The following COL7A1 variants were observed in gnomAD, a reference collection of about 807,000 sequenced individuals.
COL7A1 encodes collagen alpha-1(VII) chain.
COL7A1 carries 296 observed loss-of-function variants against 456.2 expected under a neutral mutation model. That is an observed-to-expected ratio of 0.65 (90% CI 0.59 to 0.71). The LOEUF is 0.71. Among genes scored for constraint, COL7A1 ranks in the 30% least tolerant of loss-of-function variants. The pLI is 0.00. For synonymous variants in COL7A1, 1,464 were observed against 1,525.9 expected (o/e 0.96, Z 0.95); for missense variants, 3,441 against 4,017.2 (o/e 0.86, Z 3.88).
intron 33 of COL7A1, 30 bp from the exon 34 acceptor site, chr3:48,584,975 C>A: frequency 6.2e-7 from 1 of 1,613,664 alleles, no homozygotes; most frequent in Non-Finnish European, 8.5e-7. Flanking sequence ...GCAGAACAGT[C>A]GGAGCCACCC....
At position 48,565,552 on chromosome 3, in the gene COL7A1, A is replaced by G; in HGVS notation, c.8441-56T>C. ...TGAAGTCACCATGGGCAGCCATCCC[A>G]GCCAACCCCCCTGAGAGGACCCCAG... On this transcript the variant is annotated intron_variant, in intron 115 of 118. Coordinates refer to ENST00000681320, the MANE Select transcript of COL7A1 (RefSeq NM_000094.4). This position sits in a 1 kb window ranked among gnomAD's most constrained non-coding sequence, Gnocchi z 4.5. 2 of 1,613,792 alleles carry G rather than the reference A, an allele frequency of 1.2e-6. No homozygotes were observed. The highest frequency in any genetic ancestry group is 3.3e-5 in the Admixed American group (2 of 60,014).
rs2532848 is a variant in COL7A1, at chr3:48,568,632, G to T, written c.7759-98C>A. 0.15 allele frequency: 229,833 copies of T among 1,500,762 alleles called. 19,968 individuals carry two copies. The highest frequency in any genetic ancestry group is 0.18 in the Non-Finnish European group (196,817 of 1,102,812). 93.0% of individuals were successfully genotyped at this position (1,500,762 alleles called of 1,614,324 possible). On this transcript the variant is annotated intron_variant, in intron 104 of 118. Coordinates refer to ENST00000681320, the MANE Select transcript of COL7A1 (RefSeq NM_000094.4). This position sits in a 1 kb window ranked among gnomAD's most constrained non-coding sequence, Gnocchi z 5.2. ...GCCACTCAGATGCTCAGCGGCCAGG[G>T]CCCAGGCCACACACAGATCCCGGGT...
chr3:48,585,981 G>A lies in COL7A1; in HGVS notation c.3724-6C>T, dbSNP rs370390884. 51 of 1,613,758 alleles carry A rather than the reference G, an allele frequency of 3.2e-5. No individual in the cohort carries two copies. In the African/African-American group the frequency reaches 5.7e-4, roughly 18 times the overall value. ...GGGCAGGGCTCTGGCCGGGGCTGCG[G>A]ACATAGGGTCTCTTTGAGGTTGAAC... On this transcript the variant is annotated splice_region_variant and splice_polypyrimidine_tract_variant and intron_variant, in intron 28 of 118. Coordinates refer to ENST00000681320, the MANE Select transcript of COL7A1 (RefSeq NM_000094.4). The surrounding 1 kb of genome is among the most constrained non-coding windows in gnomAD (Gnocchi z 4.5).
In COL7A1 at chr3:48,592,422, T is replaced by G. The variant is rs750746847; in HGVS notation, c.1022A>C (p.His341Pro). 1 of 1,613,610 alleles carries G rather than the reference T, an allele frequency of 6.2e-7. No individual in the cohort carries two copies. The highest frequency in any genetic ancestry group is 1.1e-5 in the South Asian group (1 of 91,060). Reference sequence around the variant, plus strand: ...ACTCCGCCAGGCCACCAGGAGGCTGTGGGCTGTGGTATTCTGGATGGTCAG... The same window carrying G: ...ACTCCGCCAGGCCACCAGGAGGCTGGGGGCTGTGGTATTCTGGATGGTCAG... ...PELTIQNTTA[H>P]SLLVAWRSVP... Residue 341 changes from histidine to proline, a missense_variant, in exon 9 of 119, where the codon CAC becomes CCC. Physicochemically the swap from His to Pro is moderately conservative, Grantham distance 77. Coordinates refer to ENST00000681320, the MANE Select transcript of COL7A1 (RefSeq NM_000094.4). The surrounding 1 kb of genome is among the most constrained non-coding windows in gnomAD (Gnocchi z 7.6).
In COL7A1 at chr3:48,570,094, C is replaced by T; in HGVS notation, c.7485+40G>A. ...GGGTACAAAGGGCACAGGCAGGGGA[C>T]TGAAGTCACAGCACTGTCACTTTCC... On this transcript the variant is annotated intron_variant, in intron 99 of 118. Coordinates refer to ENST00000681320, the MANE Select transcript of COL7A1 (RefSeq NM_000094.4). The surrounding 1 kb of genome is among the most constrained non-coding windows in gnomAD (Gnocchi z 5.5). The T allele has an allele frequency of 6.2e-7, 1 of 1,612,900 alleles. No homozygotes were observed. The highest frequency in any genetic ancestry group is 8.5e-7 in the Non-Finnish European group (1 of 1,179,008).
Position 48,569,949 on chromosome 3 carries a change from A to C in COL7A1, c.7486-34T>G. ...GAGAAGGTGACCGTGAGCTACAGGA[A>C]CCAGGGCAGTGGAGGACGGAGGAGG... On this transcript the variant is annotated intron_variant, in intron 99 of 118. Coordinates refer to ENST00000681320, the MANE Select transcript of COL7A1 (RefSeq NM_000094.4). This position sits in a 1 kb window ranked among gnomAD's most constrained non-coding sequence, Gnocchi z 4.9. The C allele has an allele frequency of 1.2e-6, 2 of 1,613,690 alleles. No homozygotes were observed. The highest frequency in any genetic ancestry group is 1.7e-6 in the Non-Finnish European group (2 of 1,179,794).
In COL7A1 at chr3:48,588,674, T is replaced by A. The variant is rs1420519653; in HGVS notation, c.2555A>T (p.Glu852Val). The A allele has an allele frequency of 1.9e-6, 3 of 1,613,726 alleles. No homozygotes were observed. In the African/African-American group the frequency reaches 4.0e-5, roughly 22 times the overall value. ...VRVTALVGDR[E>V]GTPVSIVVTT... ...GACAACAATGGAGACAGGTGTGCCC[T>A]CGCGGTCCCCGACAAGTGCAGTCAC... The change falls in exon 20 of 119, where the codon GAG (glutamate) becomes GTG (valine). Residue 852 changes from glutamate (E) to valine (V), a missense_variant. By Grantham distance (121) the Glu-to-Val change is moderately radical. Coordinates refer to ENST00000681320, the MANE Select transcript of COL7A1 (RefSeq NM_000094.4). The surrounding 1 kb of genome is among the most constrained non-coding windows in gnomAD (Gnocchi z 4.6).
rs780454893 is a variant in COL7A1 at position 48,571,203 on chromosome 3, C to T, written c.7104+40G>A. 1.3e-5 allele frequency: 21 copies of T among 1,613,976 alleles called. No homozygotes were observed. The highest frequency in any genetic ancestry group is 6.6e-5 in the South Asian group (6 of 91,090). ...ATCGGATCAAGCTCAGGGAGTCTCA[C>T]GACCAGGACCCCAGCAGGGACCCTT... On this transcript the variant is annotated intron_variant, in intron 93 of 118. Coordinates refer to ENST00000681320, the MANE Select transcript of COL7A1 (RefSeq NM_000094.4). The surrounding 1 kb of genome is among the most constrained non-coding windows in gnomAD (Gnocchi z 4.6).
rs143391124 is a variant in COL7A1, at chr3:48,590,504, C to T, written c.1861G>A (p.Val621Ile). Residue 621 changes from valine (V) to isoleucine (I), a missense_variant, in exon 15 of 119, where the codon GTC becomes ATC. Physicochemically the swap from Val to Ile is conservative, Grantham distance 29. Transcript: ENST00000681320. This position sits in a 1 kb window ranked among gnomAD's most constrained non-coding sequence, Gnocchi z 4.6. ...ATCCGAAATCCACTGGCTCCAGGGA[C>T]GGGTCCCCAGGCCACCCTCACTCGC... The part of the protein sequence containing the change: ...ATRVRVAWGP[V>I]PGASGFRISW... 3.8e-5 allele frequency: 61 copies of T among 1,614,176 alleles called. No individual in the cohort carries two copies. Among genetic ancestry groups the T allele is most frequent in the Middle Eastern group, 1.6e-4 (1 of 6,062 alleles).
chr3:48,567,376 C>T lies in COL7A1; in HGVS notation c.8047-186G>A. ...TAGCCCCCTGCCCTGATGCACATGC[C>T]CCCTCCACCTCCCATGCTTTCATCC... On this transcript the variant is annotated intron_variant, in intron 109 of 118. Coordinates refer to ENST00000681320, the MANE Select transcript of COL7A1 (RefSeq NM_000094.4). The surrounding 1 kb of genome is among the most constrained non-coding windows in gnomAD (Gnocchi z 4.3). 1 of 923,688 alleles carries T rather than the reference C, an allele frequency of 1.1e-6. No homozygotes were observed. The highest frequency in any genetic ancestry group is 1.7e-6 in the Non-Finnish European group (1 of 588,586). 57.2% of individuals were successfully genotyped at this position (923,688 alleles called of 1,614,324 possible).
rs1487476449 is a variant in COL7A1 at position 48,582,355 on chromosome 3, C to A, written c.4603G>T (p.Glu1535Ter). The A allele has an allele frequency of 1.9e-6, 3 of 1,614,022 alleles. No individual in the cohort carries two copies. The highest frequency in any genetic ancestry group is 2.5e-6 in the Non-Finnish European group (3 of 1,179,984). The part of the protein sequence containing the change: ...GPTGRQGEKG[E>*]PGRPGDPAVV... ...GCAGGGTCCCCAGGGCGACCAGGCT[C>A]CCCCTGTGGAGAGAGGATAGGAGCA... The change falls in exon 47 of 119, where the codon GAG becomes TAG. Residue 1535 changes from glutamate (E) to a stop codon, truncating the protein, a stop_gained. Transcript: ENST00000681320. LOFTEE classifies it high-confidence loss of function.
chr3:48,564,570 G>A lies in COL7A1; in HGVS notation c.8819-148C>T. ...AGGGGTCCATACTTAGGTCTTTAAA[G>A]GAGGGAACATGGAAGGGGACCCTAC... On this transcript the variant is annotated intron_variant, in intron 118 of 118. Transcript: ENST00000681320. This position sits in a 1 kb window ranked among gnomAD's most constrained non-coding sequence, Gnocchi z 6.0. 9.1e-7 allele frequency: 1 copy of A among 1,101,826 alleles called. No homozygotes were observed. The highest frequency in any genetic ancestry group is 1.3e-5 in the South Asian group (1 of 74,818). 68.3% of individuals were successfully genotyped at this position (1,101,826 alleles called of 1,614,324 possible). A position where few individuals can be genotyped will look rare whatever the true frequency, so the allele number is the denominator to read the frequency against.
Position 48,578,821 on chromosome 3 carries a change from AC to A in COL7A1, c.5424+97del. ...CCCTCCCAAAGGCAAGGCTGAACCG[AC>A]CCCCCACCAACTCTCTCGGATGCTG... On this transcript the variant is annotated intron_variant, in intron 63 of 118. Coordinates refer to ENST00000681320, the MANE Select transcript of COL7A1 (RefSeq NM_000094.4). The surrounding 1 kb of genome is among the most constrained non-coding windows in gnomAD (Gnocchi z 4.7). The A allele has an allele frequency of 1.5e-6, 2 of 1,314,834 alleles. No individual in the cohort carries two copies. The highest frequency in any genetic ancestry group is 2.1e-6 in the Non-Finnish European group (2 of 963,100). The allele number at this position is 1,314,834 out of a possible 1,614,324, so 81.4% of individuals were successfully genotyped here.
rs2045850181 is a variant in COL7A1, at chr3:48,593,387, C to T, written c.489G>A (p.Leu163=). 4.3e-6 allele frequency: 7 copies of T among 1,614,162 alleles called. No individual in the cohort carries two copies. The East Asian group carries it at 1.3e-4, about 31-fold the overall frequency. ...QDLVDTAAQR[L]KGQGVKLFAV... is the part of the protein sequence containing the mutation. ...CAAATAGCTTGACCCCCTGCCCCTT[C>T]AGCCTTTGGGCAGCTGTGTCCACCA... The change falls in exon 5 of 119, where the codon CTG becomes CTA. Residue 163 remains leucine (L), a synonymous_variant. Coordinates refer to ENST00000681320, the MANE Select transcript of COL7A1 (RefSeq NM_000094.4). This position sits in a 1 kb window ranked among gnomAD's most constrained non-coding sequence, Gnocchi z 4.4.
At chr3:48,577,659 G>A (rs1259929715) in intron 65 of COL7A1, among the ~76,000 whole-genome samples, 3 of 152,238 alleles carry the variant, frequency 2.0e-5, no homozygotes, top group African/African-American at 7.2e-5. Context: ...CTTAGCACAT[G>A]AGTCTGGGTG....
At position 48,573,615 on chromosome 3, in the gene COL7A1, T is replaced by C. The variant is rs2044082451; in HGVS notation, c.6574-58A>G. ...CTCAGGGATTAACACAGAGAAGGCC[T>C]GGCTCATCAGCTGTGGCCAATGCCT... is the stretch of plus-strand genomic sequence containing the variant. On this transcript the variant is annotated intron_variant, in intron 82 of 118. Coordinates refer to ENST00000681320, the MANE Select transcript of COL7A1 (RefSeq NM_000094.4). This position sits in a 1 kb window ranked among gnomAD's most constrained non-coding sequence, Gnocchi z 5.5. 2 of 1,613,462 alleles carry C rather than the reference T, an allele frequency of 1.2e-6. No individual in the cohort carries two copies. Among genetic ancestry groups the C allele is most frequent in the Non-Finnish European group, 1.7e-6 (2 of 1,179,704 alleles).
In COL7A1 at chr3:48,567,695, C is replaced by G. The variant is rs774359076; in HGVS notation, c.7983+15G>C. 4 of 1,614,102 alleles carry G rather than the reference C, an allele frequency of 2.5e-6. No homozygotes were observed. The South Asian group carries it at 4.4e-5, about 18-fold the overall frequency. ...CCACCCGTGGCCCCCTCATTCTGAG[C>G]GTGCCCACACTCACCATCTCTCCTT... On this transcript the variant is annotated intron_variant, in intron 108 of 118. Transcript: ENST00000681320. The surrounding 1 kb of genome is among the most constrained non-coding windows in gnomAD (Gnocchi z 4.3).
chr3:48,570,419 G>T lies in COL7A1; in HGVS notation c.7380+46C>A. 6.2e-7 allele frequency: 1 copy of T among 1,613,988 alleles called. No homozygotes were observed. Among genetic ancestry groups the T allele is most frequent in the Non-Finnish European group, 8.5e-7 (1 of 1,179,918 alleles). On this transcript the variant is annotated intron_variant, in intron 97 of 118. Transcript: ENST00000681320. The surrounding 1 kb of genome is among the most constrained non-coding windows in gnomAD (Gnocchi z 5.5). ...TGGGAGGTCAGTGGAGGCTGAAGGG[G>T]GTGACCAGGGCACAAGAGAGAGTCA... is the stretch of plus-strand genomic sequence containing the variant.
chr3:48,576,514 G>A lies in COL7A1; in HGVS notation c.5736+8C>T, dbSNP rs748842408. The stretch of plus-strand genomic sequence containing the variant: ...TCACCACGCCCCCTACCCAACATCC[G>A]CACTCACCTTGGGGCCCGTGCCTCC... On this transcript the variant is annotated splice_region_variant and intron_variant, in intron 69 of 118. Coordinates refer to ENST00000681320, the MANE Select transcript of COL7A1 (RefSeq NM_000094.4). 19 of 1,611,752 alleles carry A rather than the reference G, an allele frequency of 1.2e-5. No individual in the cohort carries two copies. The Admixed American group carries it at 1.3e-4, about 11-fold the overall frequency.
Sources: gnomAD v4.1 joint callset for allele counts (sites outside exome capture counted in the v4.1 genomes callset) on GRCh38, gnomAD v4.1.1 for gene constraint, Gnocchi (gnomAD v3.1) non-coding constraint, MANE v1.5 for transcripts, NCBI Gene and HGNC (gene_info 2026-07-23, HGNC 2026-07-21) for gene names.